The following PDE6B variants were observed in gnomAD, a reference collection of about 807,000 sequenced individuals.
The protein encoded by PDE6B is rod cGMP-specific 3',5'-cyclic phosphodiesterase subunit beta.
A neutral mutation model predicts 109.0 loss-of-function variants in PDE6B; 106 were observed. The ratio of observed to expected loss-of-function variants is 0.97; its 90% CI spans 0.83 to 1.14. The LOEUF is 1.14. PDE6B is among the 50% of genes most tolerant of loss of function. The pLI, the probability that PDE6B is intolerant of heterozygous loss-of-function variation, is 0.00. For missense variants in PDE6B, 1,193 were observed against 1,155.6 expected (o/e 1.03, Z -0.47); for synonymous variants, 490 against 471.3 (o/e 1.04, Z -0.51).
intron 21 of PDE6B, 152 bp downstream of exon 21, chr4:668,158 G>C (rs1577311739): frequency 2.8e-6 from 2 of 726,524 alleles, no homozygotes; most frequent in South Asian, 1.8e-5. Context: ...AGGGAGAGAG[G>C]CCACGGCGGG....
intron 3 of PDE6B, among the ~76,000 whole-genome samples, chr4:647,540 G>A (rs1296698358): frequency 6.6e-6 from 1 of 152,038 alleles, no homozygotes; most frequent in Admixed American, 6.5e-5. Context: ...CCAGATGAAG[G>A]TGCTGACCAG....
At position 662,092 on chromosome 4, in the gene PDE6B, C is replaced by G. The variant is rs73058406; in HGVS notation, c.1615-42C>G. The G allele has an allele frequency of 0.13, 126,326 of 973,368 alleles. 9,399 individuals carry two copies. The highest frequency in any genetic ancestry group is 0.26 in the African/African-American group (16,223 of 62,028). The allele number at this position is 973,368 out of a possible 1,614,324, so 60.3% of individuals were successfully genotyped here. A position where few individuals can be genotyped will look rare whatever the true frequency, so the allele number is the denominator to read the frequency against. Reference sequence around the variant, plus strand: ...ACAGGTGCCGCTCTGGCGGGACTTACACGCTTGCCGCCGGAGCCCTGTGTC... The same window carrying G: ...ACAGGTGCCGCTCTGGCGGGACTTAGACGCTTGCCGCCGGAGCCCTGTGTC... On this transcript the variant is annotated intron_variant, in intron 12 of 21. Coordinates refer to ENST00000496514, the MANE Select transcript of PDE6B (RefSeq NM_000283.4). The surrounding 1 kb of genome is among the most constrained non-coding windows in gnomAD (Gnocchi z 4.3).
At chr4:640,983 T>G (rs978057509) in intron 3 of PDE6B, among the ~76,000 whole-genome samples, 1 of 152,200 alleles carries the variant, frequency 6.6e-6, no homozygotes. Flanking sequence ...GCGCTCTAGT[T>G]GTCTTTCTTC....
chr4:655,883 C>T, intron 6 of PDE6B, 57 bp from the exon 7 acceptor site: 1 of 1,000,222 alleles, frequency 1.0e-6, no homozygotes, highest in South Asian at 1.3e-5. Flanking sequence ...CCTCTGACTC[C>T]TGCACGCGCA....
chr4:651,999 G>GGCGGCTCCACGACGGTGACTGCGGCCAGT, intron 3 of PDE6B: 1 of 180,128 alleles, frequency 5.6e-6, no homozygotes, highest in Non-Finnish European at 1.2e-5. Context: ...CTGCGGCCAG[G>GGCGGCTCCACGACGGTGACTGCGGCCAGT]GCGGCTCCAC....
Position 625,999 on chromosome 4 carries a change from C to G in PDE6B, c.373C>G (p.Pro125Ala), listed in dbSNP as rs28414606. Residue 125 changes from proline (P) to alanine (A), a missense_variant, in exon 1 of 22, where the codon CCC becomes GCC. Transcript: ENST00000496514. This position sits in a 1 kb window ranked among gnomAD's most constrained non-coding sequence, Gnocchi z 5.0. ...PDSVLEDCLVPPDSEIVFPLD... is the reference protein window; with the variant it reads ...PDSVLEDCLVAPDSEIVFPLD... ...CAGCGTCCTGGAGGACTGCCTGGTG[C>G]CCCCCGACTCCGAGATCGTCTTCCC... is the stretch of plus-strand genomic sequence containing the variant. 6,997 of 1,580,466 alleles carry G rather than the reference C, an allele frequency of 4.4e-3. 262 individuals carry two copies. The African/African-American group carries it at 0.084, about 19-fold the overall frequency.
chr4:667,315 A>G (rs1737908402), intron 20 of PDE6B, among the ~76,000 whole-genome samples: 3 of 150,908 alleles, frequency 2.0e-5, no homozygotes, highest in Non-Finnish European at 4.4e-5. Context: ...CATCCTACCC[A>G]CCCCGGGTCG....
chr4:635,311 G>A (rs1365384431), intron 2 of PDE6B, among the ~76,000 whole-genome samples: 2 of 134,194 alleles, frequency 1.5e-5, no homozygotes, highest in Admixed American at 7.5e-5. Flanking sequence ...CCGCCTGCCC[G>A]CGTGTTCTGT....
intron 3 of PDE6B, among the ~76,000 whole-genome samples, chr4:646,806 G>A (rs900174465): frequency 1.3e-5 from 2 of 151,872 alleles, no homozygotes; most frequent in African/African-American, 4.8e-5. Flanking sequence ...CATCTGCTCC[G>A]GTGCGCTGCC....
chr4:658,131 A>G (rs1394589780), intron 10 of PDE6B, among the ~76,000 whole-genome samples: 1 of 126,780 alleles, frequency 7.9e-6, no homozygotes, highest in Non-Finnish European at 1.6e-5. Context: ...ACCAGGGGTC[A>G]CAGCTGTGCG....
At chr4:627,289 G>A in intron 1 of PDE6B, among the ~76,000 whole-genome samples, 1 of 152,100 alleles carries the variant, frequency 6.6e-6, no homozygotes. Context: ...AGGACTAGAG[G>A]TGCCCGCCAC....
intron 20 of PDE6B, 133 bp from the exon 21 acceptor site, chr4:667,723 G>T: frequency 1.1e-6 from 1 of 906,266 alleles, no homozygotes; most frequent in Non-Finnish European, 1.8e-6. Context: ...CTGGGAAGGT[G>T]CCCCCTCCGT....
chr4:625,832 G>C lies in PDE6B; in HGVS notation c.206G>C (p.Ser69Thr). The C allele has an allele frequency of 6.2e-7, 1 of 1,613,004 alleles. No homozygotes were observed. The highest frequency in any genetic ancestry group is 8.5e-7 in the Non-Finnish European group (1 of 1,179,880). ...GAGCTGGTGCAGGATATGCAGGAGA[G>C]CATCAACATGGAGCGCGTGGTCTTC... Reference protein sequence around the residue: ...LLELVQDMQESINMERVVFKV... With the variant: ...LLELVQDMQETINMERVVFKV... The change falls in exon 1 of 22, where the codon AGC (serine) becomes ACC (threonine). Residue 69 changes from serine (S) to threonine (T), a missense_variant. Coordinates refer to ENST00000496514, the MANE Select transcript of PDE6B (RefSeq NM_000283.4). The surrounding 1 kb of genome is among the most constrained non-coding windows in gnomAD (Gnocchi z 5.0).
chr4:644,509 G>A (rs753928945), intron 3 of PDE6B, among the ~76,000 whole-genome samples: 2 of 151,880 alleles, frequency 1.3e-5, no homozygotes, highest in African/African-American at 2.4e-5. Context: ...ATGTCCATTC[G>A]AATAACAGTG....
In PDE6B at chr4:662,352, G is replaced by C; in HGVS notation, c.1722+111G>C. 1.2e-6 allele frequency: 1 copy of C among 821,582 alleles called. No individual in the cohort carries two copies. 50.9% of individuals were successfully genotyped at this position (821,582 alleles called of 1,614,324 possible). ...GGTCCTCCCAGGGCAGAAGGATGGA[G>C]GAGGGCAACGCCCTCTGACACCGTG... On this transcript the variant is annotated intron_variant, in intron 13 of 21. Transcript: ENST00000496514. The surrounding 1 kb of genome is among the most constrained non-coding windows in gnomAD (Gnocchi z 4.3).
At chr4:658,920 C>A in intron 10 of PDE6B, 32 bp from the exon 11 acceptor site, 2 of 1,561,870 alleles carry the variant, frequency 1.3e-6, no homozygotes, top group Non-Finnish European at 1.8e-6. Context: ...ATGCGAAGCT[C>A]TTTCTCGTGA....
chr4:631,215 G>T (rs1330855062), intron 1 of PDE6B, among the ~76,000 whole-genome samples: 1 of 152,230 alleles, frequency 6.6e-6, no homozygotes, highest in African/African-American at 2.4e-5. Flanking sequence ...AGGCTCTGTG[G>T]CTGTTCCCAT....
chr4:632,282 G>A (rs1045296771), intron 1 of PDE6B, among the ~76,000 whole-genome samples: 1 of 150,682 alleles, frequency 6.6e-6, no homozygotes, highest in Non-Finnish European at 1.5e-5. Context: ...GGGTCACGTT[G>A]TGTGGATTTG....
chr4:646,428 C>T (rs1735202438), intron 3 of PDE6B, among the ~76,000 whole-genome samples: 1 of 151,822 alleles, frequency 6.6e-6, no homozygotes, highest in Non-Finnish European at 1.5e-5. Flanking sequence ...TTGAATATGA[C>T]GTGCCTTAGG....
Sources: allele counts gnomAD v4.1 joint callset (sites outside exome capture counted in the v4.1 genomes callset), GRCh38; gene constraint gnomAD v4.1.1; non-coding constraint Gnocchi (gnomAD v3.1); transcripts MANE v1.5; gene names NCBI Gene and HGNC (gene_info 2026-07-23, HGNC 2026-07-21).